The following B4GALT5 variants were observed in gnomAD, a reference collection of about 807,000 sequenced individuals.
The protein encoded by B4GALT5 is beta-1,4-galactosyltransferase 5, also known as UDP-Gal:beta-GlcNAc beta-1,4-galactosyltransferase 5.
In B4GALT5, 11 loss-of-function variants were observed where a neutral mutation model predicts 45.0. The observed-to-expected ratio is 0.24, with a 90% CI of 0.15 to 0.40. The LOEUF is 0.40. B4GALT5 is among the 10% of genes least tolerant of loss of function. B4GALT5 has a pLI of 1.00. For synonymous variants in B4GALT5, 185 were observed against 182.9 expected, an observed-to-expected ratio of 1.01 and a Z score of -0.09; for missense variants, 337 against 500.2, an observed-to-expected ratio of 0.67 and a Z score of 3.11.
At chr20:49,670,769 A>T (rs575333724) in intron 1 of B4GALT5, among the ~76,000 whole-genome samples, 1 of 152,258 alleles carries the variant, frequency 6.6e-6, no homozygotes, top group South Asian at 2.1e-4. Context: ...GCTTTGGTGG[A>T]ACAGGTATCC....
chr20:49,656,221 T>A (rs530156000), intron 2 of B4GALT5, among the ~76,000 whole-genome samples: 163 of 152,252 alleles, frequency 1.1e-3, no homozygotes, highest in African/African-American at 3.8e-3. Context: ...AGGCTTCCCC[T>A]TCCCCTTCCA....
At chr20:49,672,324 G>T (rs1334460677) in intron 1 of B4GALT5, among the ~76,000 whole-genome samples, 1 of 152,216 alleles carries the variant, frequency 6.6e-6, no homozygotes, top group Non-Finnish European at 1.5e-5. Context: ...GGAAATCAGA[G>T]CCATGCTTTC....
intron 1 of B4GALT5, among the ~76,000 whole-genome samples, chr20:49,689,451 T>C (rs528638740): frequency 2.0e-5 from 3 of 152,198 alleles, no homozygotes; most frequent in Non-Finnish European, 4.4e-5. Flanking sequence ...TGATATCTAA[T>C]CACCGATGTG....
chr20:49,700,466 T>C (rs1438364337), intron 1 of B4GALT5, among the ~76,000 whole-genome samples: 1 of 151,566 alleles, frequency 6.6e-6, no homozygotes, highest in Non-Finnish European at 1.5e-5. Context: ...TGGCTAATTT[T>C]TATTTGTATT....
intron 3 of B4GALT5, among the ~76,000 whole-genome samples, chr20:49,644,287 T>C (rs1216378502): frequency 1.3e-5 from 2 of 152,154 alleles, no homozygotes; most frequent in Non-Finnish European, 2.9e-5. Context: ...GGTCTCACTA[T>C]GTTGCCCAGG....
intron 3 of B4GALT5, among the ~76,000 whole-genome samples, chr20:49,643,922 C>CTTTTTTTTTTTTTTTTTTTTT (rs138727530): frequency 5.8e-5 from 3 of 52,154 alleles, no homozygotes; most frequent in African/African-American, 2.6e-4. Context: ...AGTAGCTGAG[C>CTTTTTTTTTTTTTTTTTTTTT]TTTTTTTTTT....
intron 1 of B4GALT5, among the ~76,000 whole-genome samples, chr20:49,687,674 CAG>C (rs993825048): frequency 8.6e-5 from 13 of 151,938 alleles, no homozygotes; most frequent in African/African-American, 2.7e-4. Flanking sequence ...ATAAAATAAA[CAG>C]ATAATTTATT....
chr20:49,693,098 C>T (rs1568732240), intron 1 of B4GALT5, among the ~76,000 whole-genome samples: 1 of 152,136 alleles, frequency 6.6e-6, no homozygotes, highest in South Asian at 2.1e-4. Context: ...ATAGGCTATA[C>T]CATCTAGGTT....
At chr20:49,702,079 A>G (rs1656877675) in intron 1 of B4GALT5, among the ~76,000 whole-genome samples, 1 of 152,172 alleles carries the variant, frequency 6.6e-6, no homozygotes, top group African/African-American at 2.4e-5. Flanking sequence ...CAACAACAAA[A>G]AAAGGAAATA....
intron 1 of B4GALT5, among the ~76,000 whole-genome samples, chr20:49,657,284 A>G (rs952047929): frequency 6.6e-6 from 1 of 152,128 alleles, no homozygotes; most frequent in African/African-American, 2.4e-5. Flanking sequence ...CTCACTATCC[A>G]CCCATCCCAG....
chr20:49,684,181 T>G (rs1308761005), intron 1 of B4GALT5, among the ~76,000 whole-genome samples: 1 of 150,948 alleles, frequency 6.6e-6, no homozygotes, highest in Non-Finnish European at 1.5e-5. Context: ...CCTCACTGGG[T>G]CAGGAAGAGA....
At chr20:49,668,794 C>A (rs2085703293) in intron 1 of B4GALT5, among the ~76,000 whole-genome samples, 1 of 152,122 alleles carries the variant, frequency 6.6e-6, no homozygotes, top group Non-Finnish European at 1.5e-5. Flanking sequence ...CCTGAATTGC[C>A]TTGTGGTTCC....
At chr20:49,675,262 C>T (rs2085732653) in intron 1 of B4GALT5, among the ~76,000 whole-genome samples, 1 of 152,178 alleles carries the variant, frequency 6.6e-6, no homozygotes, top group African/African-American at 2.4e-5. Flanking sequence ...CCACACACCC[C>T]ACAGTCAAGC....
rs999532161 is a variant in B4GALT5 at position 49,710,408 on chromosome 20, T to C, written c.115+3168A>G. ...TATTTTCTGTTATTTTCTCTCTCTT[T>C]TTTTTTTTTTTGTGTGTGTGTGTGT... On this transcript the variant is annotated intron_variant, in intron 1 of 8. Coordinates refer to ENST00000371711, the MANE Select transcript of B4GALT5 (RefSeq NM_004776.4). 5.5e-4 allele frequency among the ~76,000 whole-genome samples: 83 copies of C among 150,104 alleles called. No individual in the cohort carries two copies. In the Middle Eastern group the frequency reaches 0.01, roughly 19 times the overall value.
chr20:49,713,442 C>G, intron 1 of B4GALT5, 134 bp downstream of exon 1: 1 of 832,354 alleles, frequency 1.2e-6, no homozygotes, highest in South Asian at 1.6e-5. Context: ...GAGAGCCGGG[C>G]CAGGACTCCG....
At chr20:49,669,940 A>AGC (rs2085708986) in intron 1 of B4GALT5, among the ~76,000 whole-genome samples, 2 of 152,210 alleles carry the variant, frequency 1.3e-5, no homozygotes, top group African/African-American at 4.8e-5. Flanking sequence ...AAATGCTCAT[A>AGC]CCTTCTGAGC....
At chr20:49,701,213 T>C (rs2085860202) in intron 1 of B4GALT5, among the ~76,000 whole-genome samples, 1 of 152,030 alleles carries the variant, frequency 6.6e-6, no homozygotes, top group South Asian at 2.1e-4. Context: ...CAAAGATGAG[T>C]TTGTAATTTT....
At chr20:49,650,415 T>A (rs1226293652) in intron 2 of B4GALT5, among the ~76,000 whole-genome samples, 1 of 147,524 alleles carries the variant, frequency 6.8e-6, no homozygotes, top group Non-Finnish European at 1.5e-5. Context: ...GGTCAGGAGT[T>A]CGAGATCAGC....
intron 1 of B4GALT5, among the ~76,000 whole-genome samples, chr20:49,683,702 G>T (rs930224382): frequency 6.6e-5 from 10 of 151,740 alleles, no homozygotes; most frequent in Non-Finnish European, 1.3e-4. Context: ...GAGCCACTGC[G>T]CCCGGCCTAG....
Sources: allele counts gnomAD v4.1 joint callset (sites outside exome capture counted in the v4.1 genomes callset), GRCh38; gene constraint gnomAD v4.1.1; transcripts MANE v1.5; gene names NCBI Gene and HGNC (gene_info 2026-07-23, HGNC 2026-07-21).